MYBPC1: variants seen among roughly 807,000 people sequenced by gnomAD.
MYBPC1 encodes myosin-binding protein C, slow-type.
Under a neutral mutation model 147.1 loss-of-function variants are expected in MYBPC1, and 52 were observed. The observed-to-expected ratio is 0.35, with a 90% confidence interval of 0.28 to 0.45. The LOEUF is 0.45. Ranked by LOEUF, MYBPC1 falls within the 20% of genes least tolerant of loss-of-function variation. The pLI is 1.00. For synonymous variants in MYBPC1, 477 were observed against 475.9 expected (o/e 1.00, Z -0.03); for missense variants, 1,228 against 1,440.3 (o/e 0.85, Z 2.39).
Position 101,684,416 on chromosome 12 carries a change from T to C in MYBPC1, c.*11T>C, listed in dbSNP as rs1951226709. On this transcript the variant is annotated 3_prime_UTR_variant, in exon 31 of 32. Coordinates refer to ENST00000361466, the MANE Select transcript of MYBPC1 (RefSeq NM_002465.4). ...AATAAGGATTTTTGAATGTATAATA[T>C]CATCTAAGGTAAGCTTTCATATGGT... 1 of 1,585,214 alleles carries C rather than the reference T, an allele frequency of 6.3e-7. No homozygotes were observed. Among genetic ancestry groups the C allele is most frequent in the Non-Finnish European group, 8.6e-7 (1 of 1,161,690 alleles).
Position 101,642,597 on chromosome 12 carries a change from CG to C in MYBPC1, c.832+17del, listed in dbSNP as rs1161174199. ...GAAGAAGAGCGCAGGTGAGCGCTCC[CG>C]GGGGCGAGGCAGCGGCCGAGGGGCG... is the stretch of plus-strand genomic sequence containing the variant. On this transcript the variant is annotated intron_variant, in intron 11 of 31. Transcript: ENST00000361466. The C allele has an allele frequency of 3.1e-6, 5 of 1,605,224 alleles. No individual in the cohort carries two copies. Among genetic ancestry groups the C allele is most frequent in the African/African-American group, 1.3e-5 (1 of 74,866 alleles).
intron 8 of MYBPC1, among the ~76,000 whole-genome samples, chr12:101,633,672 G>A (rs962897098): frequency 4.0e-5 from 6 of 150,678 alleles, no homozygotes; most frequent in African/African-American, 1.5e-4. Context: ...GGGCAACAGA[G>A]TGAGACTCCG....
rs369639301 is a variant in MYBPC1 at position 101,651,214 on chromosome 12, G to T, written c.1364-17G>T. The stretch of plus-strand genomic sequence containing the variant: ...GAGTTTGGGCTTGGCATTTGTGATG[G>T]TCTATCATTTCTACAGTGAAACCTC... On this transcript the variant is annotated splice_polypyrimidine_tract_variant and intron_variant, in intron 15 of 31. Coordinates refer to ENST00000361466, the MANE Select transcript of MYBPC1 (RefSeq NM_002465.4). The T allele has an allele frequency of 1.3e-4, 209 of 1,613,880 alleles. No individual in the cohort carries two copies. Among genetic ancestry groups the T allele is most frequent in the Non-Finnish European group, 1.7e-4 (200 of 1,179,912 alleles).
intron 27 of MYBPC1, 90 bp downstream of exon 27, chr12:101,677,484 A>C (rs74710518): frequency 6.9e-7 from 1 of 1,444,062 alleles, no homozygotes; most frequent in African/African-American, 1.4e-5. Flanking sequence ...GAAAGGGAAC[A>C]AAAAAATGGT....
chr12:101,607,775 C>T (rs1210237012), intron 1 of MYBPC1, among the ~76,000 whole-genome samples: 1 of 152,106 alleles, frequency 6.6e-6, no homozygotes, highest in Non-Finnish European at 1.5e-5. Context: ...AAGAAGAGAA[C>T]TGGGTGTTTT....
At position 101,596,625 on chromosome 12, in the gene MYBPC1, G is replaced by C. The variant is rs906561660; in HGVS notation, c.25+1530G>C. On this transcript the variant is annotated intron_variant, in intron 1 of 31. Transcript: ENST00000361466. Reference sequence around the variant, plus strand: ...ATAAATAAGGTGACAGCCTGTAAGAGCCAATAAAGCTAATTAAATTATTCT... The same window carrying C: ...ATAAATAAGGTGACAGCCTGTAAGACCCAATAAAGCTAATTAAATTATTCT... Among the ~76,000 whole-genome samples, 12 of 152,288 alleles carry C rather than the reference G, an allele frequency of 7.9e-5. 1 individual carries two copies. Among genetic ancestry groups the C allele is most frequent in the Admixed American group, 5.9e-4 (9 of 15,286 alleles).
intron 3 of MYBPC1, among the ~76,000 whole-genome samples, chr12:101,620,623 G>C (rs769002280): frequency 2.0e-5 from 3 of 152,156 alleles, no homozygotes; most frequent in Non-Finnish European, 4.4e-5. Flanking sequence ...TCCTATGTCT[G>C]AACATAGGGT....
chr12:101,645,415 A>G (rs576893449), intron 12 of MYBPC1, among the ~76,000 whole-genome samples: 1 of 152,220 alleles, frequency 6.6e-6, no homozygotes, highest in Non-Finnish European at 1.5e-5. Flanking sequence ...TTATAAAACT[A>G]CTTTACAGAG....
chr12:101,670,123 CCACACACACACACA>C (rs58177042), intron 23 of MYBPC1, among the ~76,000 whole-genome samples, 184 bp from the exon 24 acceptor site: 1 of 146,212 alleles, frequency 6.8e-6, no homozygotes, highest in Non-Finnish European at 1.5e-5. Context: ...TGTGTGGAAA[CCACACACACACACA>C]CACACACACA....
At chr12:101,685,347 G>A (rs971103780) in intron 31 of MYBPC1, among the ~76,000 whole-genome samples, 1 of 152,126 alleles carries the variant, frequency 6.6e-6, no homozygotes, top group Admixed American at 6.6e-5. Context: ...AATAGTAGGG[G>A]AAAAACTGCT....
chr12:101,678,269 G>C (rs199884424), intron 28 of MYBPC1, 31 bp downstream of exon 28: 5 of 1,611,698 alleles, frequency 3.1e-6, no homozygotes, highest in Non-Finnish European at 4.2e-6. Flanking sequence ...ATCAGTTAAA[G>C]TCCCTGTCTT....
At chr12:101,603,610 T>C (rs967998913) in intron 1 of MYBPC1, among the ~76,000 whole-genome samples, 2 of 152,158 alleles carry the variant, frequency 1.3e-5, no homozygotes, top group African/African-American at 2.4e-5. Flanking sequence ...GAGCAAGGCC[T>C]TTAAGAAATT....
At chr12:101,691,416 C>T in the MYBPC1 span, among the ~76,000 whole-genome samples, 1 of 152,190 alleles carries the variant, frequency 6.6e-6, no homozygotes, top group Non-Finnish European at 1.5e-5. Context: ...TTCTTCCAAA[C>T]CAATGAAAGT....
rs1053146202 is a variant in MYBPC1, at chr12:101,629,241, G to A, written c.179-193G>A. Reference sequence around the variant, plus strand: ...TGTTCATTTGCCCCATCATGGAAGAGATACCCCTGTAAGAATGGGAATCTG... The same window carrying A: ...TGTTCATTTGCCCCATCATGGAAGAAATACCCCTGTAAGAATGGGAATCTG... On this transcript the variant is annotated intron_variant, in intron 5 of 31. Transcript: ENST00000361466. The A allele has an allele frequency of 1.9e-5, 12 of 616,770 alleles. No individual in the cohort carries two copies. In the African/African-American group the frequency reaches 2.2e-4, roughly 11 times the overall value. 38.2% of individuals were successfully genotyped at this position (616,770 alleles called of 1,614,324 possible). A position where few individuals can be genotyped will look rare whatever the true frequency, so the allele number is the denominator to read the frequency against.
At chr12:101,691,956 G>A in the MYBPC1 span, among the ~76,000 whole-genome samples, 1 of 152,326 alleles carries the variant, frequency 6.6e-6, no homozygotes, top group African/African-American at 2.4e-5. Flanking sequence ...GTGGGAGTAA[G>A]AGGGATCAAA....
intron 1 of MYBPC1, among the ~76,000 whole-genome samples, chr12:101,613,655 T>C (rs11830848): frequency 0.12 from 18,290 of 152,172 alleles, 1,146 homozygotes; most frequent in Middle Eastern, 0.15. Context: ...AAATAGTATG[T>C]TCTTTAACAG....
At chr12:101,622,975 T>A (rs1460685074) in intron 3 of MYBPC1, among the ~76,000 whole-genome samples, 1 of 152,200 alleles carries the variant, frequency 6.6e-6, no homozygotes, top group African/African-American at 2.4e-5. Context: ...CAACTGTGCA[T>A]GTCCTCCAAA....
At chr12:101,634,495 C>G in intron 8 of MYBPC1, 59 bp from the exon 9 acceptor site, 2 of 1,378,400 alleles carry the variant, frequency 1.5e-6, no homozygotes, top group Non-Finnish European at 2.1e-6. Flanking sequence ...TATAAAGGAA[C>G]TGAACACAAA....
chr12:101,647,115 A>T, intron 13 of MYBPC1: 1 of 551,546 alleles, frequency 1.8e-6, no homozygotes, highest in Non-Finnish European at 3.2e-6. Context: ...TGCAAAAATA[A>T]TTATTCTAGT....
Sources: allele counts gnomAD v4.1 joint callset (sites outside exome capture counted in the v4.1 genomes callset), GRCh38; gene constraint gnomAD v4.1.1; transcripts MANE v1.5; gene names NCBI Gene and HGNC (gene_info 2026-07-23, HGNC 2026-07-21).